Variants in TPI1 observed in about 807,000 individuals in gnomAD.
TPI1 encodes triosephosphate isomerase 1, also known as triosephosphate isomerase.
In TPI1, 11 loss-of-function variants were observed where a neutral mutation model predicts 31.0. The ratio of observed to expected loss-of-function variants is 0.36; its 90% confidence interval spans 0.22 to 0.59. The LOEUF is 0.59. Among genes scored for constraint, TPI1 ranks in the 20% least tolerant of loss-of-function variants. The probability of loss-of-function intolerance (pLI) is 0.79; values close to 1 mark genes in which losing one functional copy is unlikely to be tolerated. For missense variants in TPI1, 245 were observed against 319.7 expected, an observed-to-expected ratio of 0.77 and a Z score of 1.78; for synonymous variants, 121 against 122.8, an observed-to-expected ratio of 0.99 and a Z score of 0.10.
At chr12:6,868,809 G>T in intron 1 of TPI1, 55 bp from the exon 2 acceptor site, 1 of 1,581,254 alleles carries the variant, frequency 6.3e-7, no homozygotes, top group South Asian at 1.1e-5. Flanking sequence ...TAGGAATTGT[G>T]GGGAATGAAG....
intron 1 of TPI1, chr12:6,868,581 G>C: frequency 7.5e-7 from 1 of 1,328,272 alleles, no homozygotes; most frequent in Non-Finnish European, 9.7e-7. Flanking sequence ...AGGTGCCTAT[G>C]CCGAGAATAG....
Position 6,870,133 on chromosome 12 carries a change from G to A in TPI1, c.628G>A (p.Gly210Arg). ...GGCTCAGAGCACCCGTATCATTTAT[G>A]GAGGTGAGTGGCTTTGGTTCCCGGC... Reference protein sequence around the residue: ...AVAQSTRIIYGGSVTGATCKE... With the variant: ...AVAQSTRIIYRGSVTGATCKE... The change falls in exon 6 of 7, where the codon GGA becomes AGA. Residue 210 changes from glycine (G) to arginine (R), a missense_variant. Physicochemically the swap from Gly to Arg is moderately radical, Grantham distance 125 (BLOSUM62 -2). This residue lies in a region of TPI1 where 127 missense variants were observed against 163.7 expected (regional missense o/e 0.78). Transcript: ENST00000396705. 1 of 1,614,072 alleles carries A rather than the reference G, an allele frequency of 6.2e-7. No individual in the cohort carries two copies. Among genetic ancestry groups the A allele is most frequent in the South Asian group, 1.1e-5 (1 of 91,086 alleles).
intron 1 of TPI1, 132 bp from the exon 2 acceptor site, chr12:6,868,732 G>C (rs1944513839): frequency 6.9e-7 from 1 of 1,444,058 alleles, no homozygotes; most frequent in Non-Finnish European, 9.4e-7. Flanking sequence ...CATCTTGCTG[G>C]GGTGAAAAGG....
In TPI1 at chr12:6,867,833, A is replaced by G. The variant is rs782687598; in HGVS notation, c.115+152A>G. 6.9e-4 allele frequency: 603 copies of G among 878,612 alleles called. 1 individual carries two copies. The African/African-American group carries it at 0.01, about 15-fold the overall frequency. 54.4% of individuals were successfully genotyped at this position (878,612 alleles called of 1,614,324 possible). On this transcript the variant is annotated intron_variant, in intron 1 of 6. Transcript: ENST00000396705. ...GGACGAGGGCCGCTGGGGTCCGGGC[A>G]GGGGCCTCGCAGCCGCAGCCCCGTC...
In TPI1 at chr12:6,870,758, C is replaced by T. The variant is rs1267153316; in HGVS notation, c.*375C>T. 1.9e-6 allele frequency: 1 copy of T among 524,344 alleles called. No homozygotes were observed. Among genetic ancestry groups the T allele is most frequent in the Admixed American group, 2.2e-5 (1 of 45,560 alleles). The allele number at this position is 524,344 out of a possible 1,614,324, so 32.5% of individuals were successfully genotyped here. On this transcript the variant is annotated 3_prime_UTR_variant, in exon 7 of 7. Transcript: ENST00000396705. ...CCTCAGAAGGCAGGAGTGCTGCCCT[C>T]TCCCATGGTGCCCGTGCCTCTGTGC...
At chr12:6,867,996 C>T in intron 1 of TPI1, 1 of 1,104,818 alleles carries the variant, frequency 9.1e-7, no homozygotes, top group South Asian at 1.7e-5. Context: ...GGGTTAGGAG[C>T]GGAGCCCGAG....
At chr12:6,868,786 C>G (rs1944514751) in intron 1 of TPI1, 78 bp from the exon 2 acceptor site, 2 of 1,551,884 alleles carry the variant, frequency 1.3e-6, no homozygotes, top group Admixed American at 3.9e-5. Flanking sequence ...CTGGGGGGCT[C>G]CAGGGCACTG....
Position 6,870,506 on chromosome 12 carries a change from C to T in TPI1, c.*123C>T. On this transcript the variant is annotated 3_prime_UTR_variant, in exon 7 of 7. Transcript: ENST00000396705. ...CATCTGCTCCTTCCTGTGGCCTCAT[C>T]CAAACTGTATCTTCCTTTACTGTTT... is the stretch of plus-strand genomic sequence containing the variant. 1.2e-6 allele frequency: 1 copy of T among 821,462 alleles called. No individual in the cohort carries two copies. Among genetic ancestry groups the T allele is most frequent in the Admixed American group, 1.7e-5 (1 of 59,036 alleles). The allele number at this position is 821,462 out of a possible 1,614,324, so 50.9% of individuals were successfully genotyped here.
chr12:6,867,797 G>C, intron 1 of TPI1, 116 bp downstream of exon 1: 1 of 1,163,930 alleles, frequency 8.6e-7, no homozygotes, highest in Non-Finnish European at 1.2e-6. Context: ...CGGACCTGAT[G>C]CAGGGCTGTG....
chr12:6,868,542 G>T, intron 1 of TPI1: 1 of 1,289,726 alleles, frequency 7.8e-7, no homozygotes, highest in Non-Finnish European at 1.0e-6. Flanking sequence ...GGGAAGCAGG[G>T]TTGCTCCCTG....
rs1555132568 is a variant in TPI1 at position 6,870,257 on chromosome 12, C to T, written c.632-8C>T. The T allele has an allele frequency of 1.4e-5, 22 of 1,606,870 alleles. No homozygotes were observed. The highest frequency in any genetic ancestry group is 1.8e-5 in the Non-Finnish European group (21 of 1,173,144). On this transcript the variant is annotated splice_region_variant and splice_polypyrimidine_tract_variant and intron_variant, in intron 6 of 6. Transcript: ENST00000396705. ...CTTGACCAAGCCCTTGTTCTGCTCC[C>T]TTCCCAGGCTCTGTGACTGGGGCAA...
chr12:6,868,750 C>T (rs1944514318), intron 1 of TPI1, 114 bp from the exon 2 acceptor site: 1 of 1,491,302 alleles, frequency 6.7e-7, no homozygotes, highest in Non-Finnish European at 9.0e-7. Context: ...AGGGGGAGAG[C>T]AGAACCAAGA....
intron 4 of TPI1, 144 bp from the exon 5 acceptor site, chr12:6,869,544 C>T: frequency 2.7e-6 from 4 of 1,480,296 alleles, no homozygotes; most frequent in Non-Finnish European, 3.8e-6. Flanking sequence ...CCTATGACTT[C>T]TCCAGCCCCA....
chr12:6,869,586 C>T, intron 4 of TPI1, 102 bp from the exon 5 acceptor site: 1 of 1,475,426 alleles, frequency 6.8e-7, no homozygotes, highest in African/African-American at 1.4e-5. Flanking sequence ...CCCCCAATGT[C>T]CACTAGGGGG....
rs1555132125 is a variant in TPI1 at position 6,869,106 on chromosome 12, A to G, written c.247A>G (p.Met83Val). The G allele has an allele frequency of 6.2e-7, 1 of 1,614,228 alleles. No homozygotes were observed. Among genetic ancestry groups the G allele is most frequent in the Non-Finnish European group, 8.5e-7 (1 of 1,180,040 alleles). Residue 83 changes from methionine to valine, a missense_variant, in exon 3 of 7, where the codon ATG becomes GTG. By Grantham distance (21) the Met-to-Val change is conservative (BLOSUM62 1). This residue lies in a region of TPI1 where 23 missense variants were observed against 59.6 expected (regional missense o/e 0.39). Coordinates refer to ENST00000396705, the MANE Select transcript of TPI1 (RefSeq NM_000365.6). ...GAFTGEISPG[M>V]IKDCGATWVV... ...CTTCATCTCTTCCTTTAGCCCTGGC[A>G]TGATCAAAGACTGCGGAGCCACGTG... is the stretch of plus-strand genomic sequence containing the variant.
chr12:6,867,879 C>T (rs1340795471), intron 1 of TPI1, among the ~76,000 whole-genome samples, 198 bp downstream of exon 1: 2 of 152,186 alleles, frequency 1.3e-5, no homozygotes, highest in African/African-American at 4.8e-5. Context: ...GGGGGCAGGG[C>T]GGAGCACATG....
chr12:6,868,940 G>A lies in TPI1; in HGVS notation c.192G>A (p.Ala64=), dbSNP rs149190846. The stretch of plus-strand genomic sequence containing the variant: ...TAGATCCCAAGATTGCTGTGGCTGC[G>A]CAGAACTGCTACAAAGTGACTAATG... ...QKLDPKIAVA[A]QNCYKVTNGA... The change falls in exon 2 of 7, where the codon GCG becomes GCA. Residue 64 remains alanine (A), a synonymous_variant. Transcript: ENST00000396705. 279 of 1,614,182 alleles carry A rather than the reference G, an allele frequency of 1.7e-4. 1 individual carries two copies. In the African/African-American group the frequency reaches 3.2e-3, roughly 18 times the overall value.
intron 1 of TPI1, chr12:6,868,090 C>T: frequency 8.0e-7 from 1 of 1,242,916 alleles, no homozygotes; most frequent in South Asian, 1.4e-5. Flanking sequence ...CGCCGCCGCA[C>T]GTAGCCCCAG....
chr12:6,867,814 G>C, intron 1 of TPI1, 133 bp downstream of exon 1: 1 of 991,540 alleles, frequency 1.0e-6, no homozygotes, highest in Non-Finnish European at 1.4e-6. Flanking sequence ...TGTGGGACGA[G>C]GGCCGCTGGG....
Sources: gnomAD v4.1 joint callset for allele counts (sites outside exome capture counted in the v4.1 genomes callset) on GRCh38, gnomAD v4.1.1 for gene constraint, gnomAD v4.1.1 regional missense constraint, MANE v1.5 for transcripts, NCBI Gene and HGNC (gene_info 2026-07-23, HGNC 2026-07-21) for gene names.